The following GPATCH2 variants were observed in gnomAD, a reference collection of about 807,000 sequenced individuals.
GPATCH2 encodes G patch domain-containing protein 2.
A neutral mutation model predicts 58.0 loss-of-function variants in GPATCH2; 51 were observed. The ratio of observed to expected loss-of-function variants is 0.88; its 90% CI spans 0.70 to 1.11. The LOEUF (loss-of-function observed/expected upper bound fraction) is 1.11. GPATCH2 is among the 50% of genes most tolerant of loss of function. The pLI is 0.00. For synonymous variants in GPATCH2, 222 were observed against 218.5 expected (o/e 1.02, Z -0.14); for missense variants, 625 against 652.2 (o/e 0.96, Z 0.45).
In GPATCH2 at chr1:217,429,240, A is replaced by C. The variant is rs1424428149; in HGVS notation, c.*1905T>G. 6.6e-6 allele frequency: 1 copy of C among 152,202 alleles called. No homozygotes were observed. The highest frequency in any genetic ancestry group is 1.5e-5 in the Non-Finnish European group (1 of 68,040). The allele number at this position is 152,202 out of a possible 1,614,324, so 9.4% of individuals were successfully genotyped here. ...AGAAAATATCAGTTAAAAAAATGGCAAATTTGTAAGTAAAAAACTTGTAGA... is the reference window on the plus strand; with the variant it reads ...AGAAAATATCAGTTAAAAAAATGGCCAATTTGTAAGTAAAAAACTTGTAGA... On this transcript the variant is annotated 3_prime_UTR_variant, in exon 10 of 10. Transcript: ENST00000366935.
intron 5 of GPATCH2, among the ~76,000 whole-genome samples, chr1:217,532,277 A>G (rs1442451029): frequency 6.6e-6 from 1 of 152,072 alleles, no homozygotes; most frequent in Non-Finnish European, 1.5e-5. Context: ...GAAGCTGCAT[A>G]TTAAATATTT....
chr1:217,527,959 G>GT (rs1387698342), intron 5 of GPATCH2, among the ~76,000 whole-genome samples: 1 of 152,134 alleles, frequency 6.6e-6, no homozygotes, highest in Non-Finnish European at 1.5e-5. Flanking sequence ...TGCAACGGAA[G>GT]TTAAAAAAAA....
chr1:217,433,386 T>TATATATATATA (rs1558388568), intron 9 of GPATCH2, among the ~76,000 whole-genome samples: 103 of 28,934 alleles, frequency 3.6e-3, no homozygotes, highest in African/African-American at 8.0e-3. Flanking sequence ...ATATATATAT[T>TATATATATATA]TATTTATTTA....
chr1:217,497,601 A>C (rs1373761297), intron 7 of GPATCH2, among the ~76,000 whole-genome samples: 1 of 152,186 alleles, frequency 6.6e-6, no homozygotes, highest in African/African-American at 2.4e-5. Flanking sequence ...TAAAGCACAA[A>C]GTCCTCTTTA....
chr1:217,527,433 CCTT>C (rs1319841937), intron 5 of GPATCH2, among the ~76,000 whole-genome samples: 3 of 151,654 alleles, frequency 2.0e-5, no homozygotes, highest in Admixed American at 2.0e-4. Context: ...TGCCTTGTGC[CCTT>C]CTTTGTACTT....
intron 8 of GPATCH2, among the ~76,000 whole-genome samples, chr1:217,470,364 GAA>G (rs1310147908): frequency 2.0e-5 from 3 of 152,150 alleles, no homozygotes; most frequent in Non-Finnish European, 2.9e-5. Context: ...TCATCTACCA[GAA>G]AAAGAGAAGA....
At chr1:217,435,305 A>G (rs1658770855) in intron 9 of GPATCH2, among the ~76,000 whole-genome samples, 1 of 152,138 alleles carries the variant, frequency 6.6e-6, no homozygotes, top group South Asian at 2.1e-4. Flanking sequence ...TCTCATATCT[A>G]TTACAGCTGA....
intron 8 of GPATCH2, among the ~76,000 whole-genome samples, chr1:217,462,789 C>T (rs1374199066): frequency 1.3e-5 from 2 of 152,180 alleles, no homozygotes; most frequent in Non-Finnish European, 1.5e-5. Flanking sequence ...CTCATCTACT[C>T]ATCTTGTGAG....
At chr1:217,576,611 A>T (rs980477107) in intron 5 of GPATCH2, among the ~76,000 whole-genome samples, 5 of 152,192 alleles carry the variant, frequency 3.3e-5, no homozygotes, top group Non-Finnish European at 7.4e-5. Flanking sequence ...GACTTGAAAA[A>T]ATTGCTTACA....
chr1:217,582,116 G>A (rs1014018051), intron 5 of GPATCH2, among the ~76,000 whole-genome samples: 1 of 152,084 alleles, frequency 6.6e-6, no homozygotes, highest in Non-Finnish European at 1.5e-5. Context: ...AATTGGGTTG[G>A]GAATTATTAC....
chr1:217,445,501 CA>C (rs1659346424), intron 9 of GPATCH2, among the ~76,000 whole-genome samples: 1 of 152,044 alleles, frequency 6.6e-6, no homozygotes, highest in Non-Finnish European at 1.5e-5. Context: ...TGACATTTTT[CA>C]AACTATAAAA....
chr1:217,544,470 T>A (rs1389106730), intron 5 of GPATCH2, among the ~76,000 whole-genome samples: 3 of 151,704 alleles, frequency 2.0e-5, no homozygotes, highest in Non-Finnish European at 2.9e-5. Flanking sequence ...AACATTCTTT[T>A]AAAAAAAAAG....
intron 5 of GPATCH2, among the ~76,000 whole-genome samples, chr1:217,573,295 T>C (rs2102723522): frequency 6.6e-6 from 1 of 152,266 alleles, no homozygotes; most frequent in Non-Finnish European, 1.5e-5. Context: ...GGGTCTTTGT[T>C]GTTGTAAAAT....
chr1:217,495,790 G>A (rs982412674), intron 7 of GPATCH2, among the ~76,000 whole-genome samples: 7 of 152,140 alleles, frequency 4.6e-5, no homozygotes, highest in Non-Finnish European at 7.4e-5. Flanking sequence ...AATAAAAATA[G>A]AGAGTCCTCA....
At chr1:217,504,435 CAG>C (rs1467564826) in intron 6 of GPATCH2, among the ~76,000 whole-genome samples, 1 of 152,104 alleles carries the variant, frequency 6.6e-6, no homozygotes, top group African/African-American at 2.4e-5. Flanking sequence ...AATAATAAAT[CAG>C]AGGTCCTTGA....
rs201402598 is a variant in GPATCH2, at chr1:217,463,641, C to CAAAAAAAAAAAAAAAAAA, written c.1278-14322_1278-14305dup. ...GCAACATAGCAAGAACTTATCACTC[C>CAAAAAAAAAAAAAAAAAA]AAAAAAAAAAAAAAAAAAAAAAAAA... On this transcript the variant is annotated intron_variant, in intron 8 of 9. Transcript: ENST00000366935. Among the ~76,000 whole-genome samples, 6 of 82,452 alleles carry CAAAAAAAAAAAAAAAAAA rather than the reference C, an allele frequency of 7.3e-5. 1 individual carries two copies. The highest frequency in any genetic ancestry group is 3.1e-4 in the East Asian group (1 of 3,194). 54.1% of individuals were successfully genotyped at this position (82,452 alleles called of 152,430 possible).
chr1:217,527,478 A>ATTT (rs5780985), intron 5 of GPATCH2, among the ~76,000 whole-genome samples: 1 of 138,940 alleles, frequency 7.2e-6, no homozygotes. Context: ...AATAACATCC[A>ATTT]TTTTTTTTTT....
In GPATCH2 at chr1:217,429,986, T is replaced by C. The variant is rs1393947399; in HGVS notation, c.*1159A>G. On this transcript the variant is annotated 3_prime_UTR_variant, in exon 10 of 10. Coordinates refer to ENST00000366935, the MANE Select transcript of GPATCH2 (RefSeq NM_018040.5). The stretch of plus-strand genomic sequence containing the variant: ...GATAATAATCATCATCATAATAAGT[T>C]GTTAATAATGAAGATAATAAATAAA... The C allele has an allele frequency of 6.6e-6, 1 of 152,090 alleles. No individual in the cohort carries two copies. The highest frequency in any genetic ancestry group is 2.4e-5 in the African/African-American group (1 of 41,398). The allele number at this position is 152,090 out of a possible 1,614,324, so 9.4% of individuals were successfully genotyped here.
chr1:217,483,401 C>T (rs1278173123), intron 8 of GPATCH2, among the ~76,000 whole-genome samples: 1 of 152,108 alleles, frequency 6.6e-6, no homozygotes, highest in Non-Finnish European at 1.5e-5. Flanking sequence ...CCCAGGATGG[C>T]CTTGAGCTTT....
Sources: gnomAD v4.1 joint callset for allele counts (sites outside exome capture counted in the v4.1 genomes callset) on GRCh38, gnomAD v4.1.1 for gene constraint, MANE v1.5 for transcripts, NCBI Gene and HGNC (gene_info 2026-07-23, HGNC 2026-07-21) for gene names.